C6: variants seen among roughly 807,000 people sequenced by gnomAD.
The protein encoded by C6 is complement C6.
A neutral mutation model predicts 112.9 loss-of-function variants in C6; 101 were observed. That is an observed-to-expected ratio of 0.89 (90% CI 0.76 to 1.06). C6 has a LOEUF of 1.06. Among genes scored for constraint, C6 ranks in the 50% least tolerant of loss-of-function variants. The pLI, the probability that C6 is intolerant of heterozygous loss-of-function variation, is 0.00. For missense variants in C6, 1,202 were observed against 1,104.6 expected, an observed-to-expected ratio of 1.09 and a Z score of -1.25; for synonymous variants, 431 against 384.1, an observed-to-expected ratio of 1.12 and a Z score of -1.43.
chr5:41,188,767 A>G (rs1749978145), intron 5 of C6, among the ~76,000 whole-genome samples: 1 of 152,058 alleles, frequency 6.6e-6, no homozygotes, highest in Admixed American at 6.6e-5. Flanking sequence ...AGAAATAAAT[A>G]TATTGAACTC....
At chr5:41,218,838 A>G (rs2329591) in intron 1 of C6, among the ~76,000 whole-genome samples, 135,309 of 152,214 alleles carry the variant, frequency 0.89, 60,294 homozygotes, top group African/African-American at 0.93. Flanking sequence ...AGGACTGGAA[A>G]AAATGTACAT....
intron 1 of C6, among the ~76,000 whole-genome samples, chr5:41,260,089 T>G (rs1462177781): frequency 6.6e-6 from 1 of 152,212 alleles, no homozygotes; most frequent in African/African-American, 2.4e-5. Context: ...AGGTTATTCA[T>G]GAGTTGCAGC....
intron 1 of C6, among the ~76,000 whole-genome samples, chr5:41,234,328 C>T (rs1474740011): frequency 6.9e-6 from 1 of 144,518 alleles, no homozygotes; most frequent in East Asian, 2.0e-4. Context: ...CTTTGTTATT[C>T]TACCCTTTCG....
intron 1 of C6, among the ~76,000 whole-genome samples, chr5:41,211,518 T>A (rs1278389914): frequency 6.6e-6 from 1 of 151,940 alleles, no homozygotes; most frequent in African/African-American, 2.4e-5. Flanking sequence ...AGTAGCCAGA[T>A]AGAATTTAAG....
rs1236432038 is a variant in C6, at chr5:41,149,397, A to T, written c.2467T>A (p.Cys823Ser). 1 of 1,614,150 alleles carries T rather than the reference A, an allele frequency of 6.2e-7. No individual in the cohort carries two copies. The highest frequency in any genetic ancestry group is 8.5e-7 in the Non-Finnish European group (1 of 1,179,994). ...AAATGGAGTTGCTGATTATTTAAAC[A>T]TTTCTCAGCCAAAAACTTACAAGCG... is the stretch of plus-strand genomic sequence containing the variant. ...SPACKFLAEKCLNNQQLHFLH... is the reference protein window; with the variant it reads ...SPACKFLAEKSLNNQQLHFLH... The change falls in exon 17 of 18, where the codon TGT becomes AGT. Residue 823 changes from cysteine (C) to serine (S), a missense_variant. Cys to Ser is a moderately radical substitution (Grantham distance 112). Coordinates refer to ENST00000337836, the MANE Select transcript of C6 (RefSeq NM_000065.5).
At chr5:41,221,381 G>C (rs982704805) in intron 1 of C6, among the ~76,000 whole-genome samples, 2 of 152,104 alleles carry the variant, frequency 1.3e-5, no homozygotes, top group Non-Finnish European at 2.9e-5. Context: ...TATTACAATG[G>C]TGTATAGCCC....
At chr5:41,177,757 TC>T (rs1748975785) in intron 7 of C6, among the ~76,000 whole-genome samples, 2 of 152,226 alleles carry the variant, frequency 1.3e-5, no homozygotes, top group Admixed American at 6.5e-5. Context: ...TATTCTACCT[TC>T]TGGCCTTCTA....
intron 10 of C6, among the ~76,000 whole-genome samples, chr5:41,161,155 TG>T (rs1747454348): frequency 5.3e-5 from 8 of 152,280 alleles, no homozygotes; most frequent in East Asian, 1.9e-4. Context: ...TGGATATGTT[TG>T]GGGGAAAACA....
chr5:41,185,619 T>C (rs576635655), intron 6 of C6, among the ~76,000 whole-genome samples: 4 of 152,224 alleles, frequency 2.6e-5, no homozygotes, highest in African/African-American at 9.6e-5. Flanking sequence ...TAAGCAGAAC[T>C]ATCTCATTAG....
intron 1 of C6, among the ~76,000 whole-genome samples, chr5:41,204,874 T>C (rs1374651752): frequency 1.3e-5 from 2 of 152,058 alleles, no homozygotes; most frequent in Non-Finnish European, 2.9e-5. Context: ...TTTCACTGCG[T>C]TAGCCAGGGT....
At chr5:41,257,489 A>G (rs1741791753) in intron 1 of C6, among the ~76,000 whole-genome samples, 1 of 152,146 alleles carries the variant, frequency 6.6e-6, no homozygotes, top group Non-Finnish European at 1.5e-5. Context: ...ATATGAATAC[A>G]TGTATCTTTC....
intron 17 of C6, among the ~76,000 whole-genome samples, chr5:41,145,566 A>G (rs142259335): frequency 1.3e-5 from 2 of 152,364 alleles, no homozygotes; most frequent in East Asian, 3.9e-4. Flanking sequence ...GCAGACATCG[A>G]TTCTTTCCCA....
intron 1 of C6, among the ~76,000 whole-genome samples, chr5:41,223,140 G>T (rs1355288548): frequency 6.6e-6 from 1 of 152,106 alleles, no homozygotes; most frequent in African/African-American, 2.4e-5. Context: ...CAAAAGCTTG[G>T]TTTCTATGGT....
intron 1 of C6, among the ~76,000 whole-genome samples, chr5:41,203,942 C>G (rs1751226479): frequency 1.3e-5 from 2 of 152,144 alleles, no homozygotes; most frequent in Non-Finnish European, 2.9e-5. Flanking sequence ...TACTGTGTTA[C>G]TGCAGTATCA....
chr5:41,187,144 T>C (rs1244072534), intron 5 of C6, among the ~76,000 whole-genome samples: 2 of 152,084 alleles, frequency 1.3e-5, no homozygotes, highest in East Asian at 1.9e-4. Flanking sequence ...TGTAGTGTAG[T>C]TCTACAGAAT....
At chr5:41,211,903 C>A (rs1371515008) in intron 1 of C6, among the ~76,000 whole-genome samples, 1 of 152,112 alleles carries the variant, frequency 6.6e-6, no homozygotes, top group Non-Finnish European at 1.5e-5. Flanking sequence ...TGTCTTTTAA[C>A]TTCCAAAAGC....
At chr5:41,193,117 C>T (rs1750344896) in intron 5 of C6, among the ~76,000 whole-genome samples, 2 of 152,104 alleles carry the variant, frequency 1.3e-5, no homozygotes, top group Admixed American at 6.6e-5. Context: ...ATTCAAATAG[C>T]TGAAAGCATA....
intron 8 of C6, among the ~76,000 whole-genome samples, chr5:41,174,183 A>G (rs561009159): frequency 3.4e-4 from 51 of 152,206 alleles, no homozygotes; most frequent in Non-Finnish European, 6.5e-4. Context: ...TCATGCAGTG[A>G]TTAAAATATC....
intron 1 of C6, among the ~76,000 whole-genome samples, chr5:41,235,420 G>A (rs1265247288): frequency 6.9e-6 from 1 of 144,788 alleles, no homozygotes; most frequent in Non-Finnish European, 1.5e-5. Context: ...CAATTTTTAT[G>A]GCTGCATAGT....
Sources: allele counts gnomAD v4.1 joint callset (sites outside exome capture counted in the v4.1 genomes callset), GRCh38; gene constraint gnomAD v4.1.1; transcripts MANE v1.5; gene names NCBI Gene and HGNC (gene_info 2026-07-23, HGNC 2026-07-21).